The following TTC3 variants were observed in gnomAD, a reference collection of about 807,000 sequenced individuals.
The protein encoded by TTC3 is E3 ubiquitin-protein ligase TTC3.
Under a neutral mutation model 249.6 loss-of-function variants are expected in TTC3, and 180 were observed. The ratio of observed to expected loss-of-function variants is 0.72; its 90% confidence interval spans 0.64 to 0.82. The LOEUF (loss-of-function observed/expected upper bound fraction) is 0.82. Ranked by LOEUF, TTC3 falls within the 40% of genes least tolerant of loss-of-function variation. The pLI is 0.00. For synonymous variants in TTC3, 717 were observed against 805.0 expected (o/e 0.89, Z 1.85); for missense variants, 2,061 against 2,398.4 (o/e 0.86, Z 2.94).
intron 36 of TTC3, among the ~76,000 whole-genome samples, chr21:37,185,014 A>G (rs779599499): frequency 6.6e-6 from 1 of 152,198 alleles, no homozygotes; most frequent in Non-Finnish European, 1.5e-5. Flanking sequence ...CAGGGCTTCC[A>G]TGAGAGTGTC....
intron 13 of TTC3, among the ~76,000 whole-genome samples, chr21:37,124,109 G>GTTATTT (rs1167142816): frequency 3.8e-5 from 1 of 26,158 alleles, no homozygotes; most frequent in African/African-American, 1.5e-4. Context: ...TTTTTGAACT[G>GTTATTT]TTCTTTTTTT....
intron 11 of TTC3, among the ~76,000 whole-genome samples, chr21:37,110,842 C>CT (rs1331498187): frequency 1.9e-4 from 29 of 152,228 alleles, no homozygotes; most frequent in African/African-American, 6.5e-4. Flanking sequence ...GCCCATCAGA[C>CT]TAACTGCTGA....
chr21:37,185,902 TTATTTC>T (rs1177690180), intron 37 of TTC3, 128 bp downstream of exon 37: 3 of 404,680 alleles, frequency 7.4e-6, no homozygotes, highest in Middle Eastern at 7.1e-4. Context: ...TCTGTTTTCT[TTATTTC>T]TATTTCTGTT....
exon 22 of TTC3, chr21:37,147,551 A>G: frequency 1.2e-6 from 2 of 1,611,984 alleles, no homozygotes; most frequent in Non-Finnish European, 1.7e-6. Flanking sequence ...TGCTATCAGA[A>G]GTGCCATGGA....
intron 40 of TTC3, among the ~76,000 whole-genome samples, chr21:37,191,672 A>G (rs2084130945): frequency 6.6e-6 from 1 of 152,060 alleles, no homozygotes; most frequent in South Asian, 2.1e-4. Context: ...TCCGCCTCCC[A>G]GGTTCAAGTG....
At chr21:37,107,246 A>G (rs541885542) in intron 10 of TTC3, among the ~76,000 whole-genome samples, 33 of 152,354 alleles carry the variant, frequency 2.2e-4, no homozygotes, top group African/African-American at 7.2e-4. Flanking sequence ...AAGAAGGTGG[A>G]TAAGTCAGTG....
exon 40 of TTC3, chr21:37,191,380 G>A: frequency 1.3e-6 from 2 of 1,590,290 alleles, no homozygotes; most frequent in Non-Finnish European, 1.7e-6. Context: ...ACGTTCATGG[G>A]AATTGTTTCT....
At chr21:37,119,288 T>C (rs1452452029) in intron 11 of TTC3, among the ~76,000 whole-genome samples, 1 of 152,204 alleles carries the variant, frequency 6.6e-6, no homozygotes, top group Non-Finnish European at 1.5e-5. Context: ...AGCAAAACTT[T>C]TCTGAGTACT....
chr21:37,082,860 A>C lies in TTC3; in HGVS notation c.-11-4387A>C, dbSNP rs1428793610. ...ATATTTTTGTTTGATTGTATTATAA[A>C]AAATTTTATGGTACCAAGCAAGCTT... is the stretch of plus-strand genomic sequence containing the variant. On this transcript the variant is annotated intron_variant, in intron 1 of 45. Transcript: ENST00000355666. 3 of 973,254 alleles carry C rather than the reference A, an allele frequency of 3.1e-6. No individual in the cohort carries two copies. In the East Asian group the frequency reaches 3.4e-4, roughly 111 times the overall value. The allele number at this position is 973,254 out of a possible 1,614,324, so 60.3% of individuals were successfully genotyped here.
At chr21:37,150,725 T>C in intron 24 of TTC3, 95 bp from the exon 25 acceptor site, 1 of 827,090 alleles carries the variant, frequency 1.2e-6, no homozygotes, top group South Asian at 1.4e-5. Flanking sequence ...AAACTGAACA[T>C]TATGTGTGCT....
At chr21:37,133,007 A>G (rs969583224) in intron 17 of TTC3, among the ~76,000 whole-genome samples, 3 of 152,180 alleles carry the variant, frequency 2.0e-5, no homozygotes, top group Non-Finnish European at 4.4e-5. Flanking sequence ...CAGCTATTAT[A>G]GACATATCAT....
intron 32 of TTC3, 89 bp downstream of exon 32, chr21:37,164,304 G>T (rs1172605173): frequency 5.6e-6 from 7 of 1,246,054 alleles, no homozygotes; most frequent in Non-Finnish European, 7.5e-6. Flanking sequence ...CCTGTTTTTA[G>T]AGATTTTGCC....
intron 10 of TTC3, among the ~76,000 whole-genome samples, chr21:37,103,138 ATAAT>A (rs1320189029): frequency 6.6e-6 from 1 of 152,198 alleles, no homozygotes; most frequent in Non-Finnish European, 1.5e-5. Context: ...GAGTTCAGGA[ATAAT>A]TAGCAAATCC....
intron 28 of TTC3, among the ~76,000 whole-genome samples, chr21:37,158,907 C>G (rs544076127): frequency 6.6e-6 from 1 of 151,280 alleles, no homozygotes; most frequent in Non-Finnish European, 1.5e-5. Flanking sequence ...ACAGTTAGAC[C>G]ACTATAGTAG....
chr21:37,151,819 C>G, intron 25 of TTC3, 74 bp from the exon 26 acceptor site: 1 of 1,437,614 alleles, frequency 7.0e-7, no homozygotes, highest in South Asian at 1.6e-5. Flanking sequence ...TAATATATTG[C>G]TTGGAAGATG....
chr21:37,087,318 C>G, exon 2 of TTC3: 1 of 1,614,038 alleles, frequency 6.2e-7, no homozygotes, highest in Non-Finnish European at 8.5e-7. Context: ...AGAAGATTGC[C>G]CTCACGTGGA....
At chr21:37,167,327 A>C (rs2081336404) in intron 33 of TTC3, among the ~76,000 whole-genome samples, 1 of 152,198 alleles carries the variant, frequency 6.6e-6, no homozygotes, top group Admixed American at 6.5e-5. Flanking sequence ...TTTTCTAGGA[A>C]GCTTTGAAAA....
intron 16 of TTC3, among the ~76,000 whole-genome samples, chr21:37,130,335 C>T (rs939690327): frequency 6.6e-6 from 1 of 151,936 alleles, no homozygotes; most frequent in African/African-American, 2.4e-5. Flanking sequence ...CTAAAGAAAC[C>T]AGATATTAAT....
intron 45 of TTC3, 48 bp downstream of exon 45, chr21:37,200,372 A>C (rs1396445942): frequency 1.3e-6 from 2 of 1,541,682 alleles, no homozygotes; most frequent in African/African-American, 1.4e-5. Flanking sequence ...GGGACCTTCA[A>C]ATATTTTCAA....
Sources: allele counts gnomAD v4.1 joint callset (sites outside exome capture counted in the v4.1 genomes callset), GRCh38; gene constraint gnomAD v4.1.1; transcripts MANE v1.5; gene names NCBI Gene and HGNC (gene_info 2026-07-23, HGNC 2026-07-21).